The following ZNF680 variants were observed in gnomAD, a reference collection of about 807,000 sequenced individuals.
The protein encoded by ZNF680 is hypothetical protein FLJ90430.
ZNF680 carries 6 observed loss-of-function variants against 12.1 expected under a neutral mutation model. The ratio of observed to expected loss-of-function variants is 0.49; its 90% CI spans 0.27 to 0.98. The LOEUF (loss-of-function observed/expected upper bound fraction) is 0.98. ZNF680 is among the 50% of genes least tolerant of loss of function. The pLI, the probability that ZNF680 is intolerant of heterozygous loss-of-function variation, is 0.12. For synonymous variants in ZNF680, 170 were observed against 199.3 expected, an observed-to-expected ratio of 0.85 and a Z score of 1.24; for missense variants, 561 against 616.3, an observed-to-expected ratio of 0.91 and a Z score of 0.95.
intron 1 of ZNF680, among the ~76,000 whole-genome samples, chr7:64,548,612 C>T (rs1352375130): frequency 6.6e-6 from 1 of 152,158 alleles, no homozygotes; most frequent in East Asian, 1.9e-4. Flanking sequence ...ACCAAGACAT[C>T]TCTTGTATGA....
the ZNF680 span, among the ~76,000 whole-genome samples, chr7:64,511,962 G>T: frequency 6.7e-3 from 1,019 of 152,020 alleles, 9 homozygotes; most frequent in African/African-American, 0.024. Flanking sequence ...GGGAGGCTGA[G>T]GCAGGAGAAT....
At chr7:64,531,514 G>C (rs987278162) in intron 3 of ZNF680, among the ~76,000 whole-genome samples, 3 of 149,014 alleles carry the variant, frequency 2.0e-5, no homozygotes, top group African/African-American at 7.4e-5. Flanking sequence ...GGAGAATGGC[G>C]TGAACTCAGG....
At chr7:64,533,291 T>C (rs1785984801) in intron 3 of ZNF680, among the ~76,000 whole-genome samples, 3 of 152,148 alleles carry the variant, frequency 2.0e-5, no homozygotes. Flanking sequence ...AAAAAACTCC[T>C]AGAACTGATA....
chr7:64,534,534 G>C (rs578106251), intron 3 of ZNF680, among the ~76,000 whole-genome samples: 1 of 152,170 alleles, frequency 6.6e-6, no homozygotes, highest in East Asian at 1.9e-4. Flanking sequence ...CAGATGCGGT[G>C]ATCAGGGAAC....
At chr7:64,518,628 C>T (rs1791402426), downstream of ZNF680, among the ~76,000 whole-genome samples, 1 of 151,758 alleles carries the variant, frequency 6.6e-6, no homozygotes, top group African/African-American at 2.4e-5. Flanking sequence ...CAGCATGGTA[C>T]TGATATAAAA....
At chr7:64,526,380 C>T in intron 3 of ZNF680, 1 of 1,404,204 alleles carries the variant, frequency 7.1e-7, no homozygotes, top group Non-Finnish European at 9.3e-7. Flanking sequence ...TTATGACTAG[C>T]ACAGTTCTAC....
chr7:64,499,229 G>C, the ZNF680 span, among the ~76,000 whole-genome samples: 2 of 151,992 alleles, frequency 1.3e-5, no homozygotes, highest in East Asian at 3.9e-4. Flanking sequence ...TTCAGACAAG[G>C]CTTTCAGTGA....
chr7:64,500,886 G>A, the ZNF680 span: 8 of 570,224 alleles, frequency 1.4e-5, no homozygotes, highest in Non-Finnish European at 2.0e-5. Context: ...GTGTTCACTG[G>A]AAATCTCAAC....
chr7:64,512,457 C>CAAAAAAAA, the ZNF680 span, among the ~76,000 whole-genome samples: 4 of 87,242 alleles, frequency 4.6e-5, no homozygotes, highest in Non-Finnish European at 9.0e-5. Flanking sequence ...CCGTCTCCAG[C>CAAAAAAAA]AAAAAAAAAA....
intron 1 of ZNF680, among the ~76,000 whole-genome samples, chr7:64,556,743 A>T (rs1392894204): frequency 6.6e-6 from 1 of 152,248 alleles, no homozygotes; most frequent in African/African-American, 2.4e-5. Context: ...TGACATAGGA[A>T]CTGGCAAAGA....
the ZNF680 span, among the ~76,000 whole-genome samples, chr7:64,507,111 G>A: frequency 2.1e-4 from 32 of 152,034 alleles, no homozygotes; most frequent in Non-Finnish European, 4.1e-4. Flanking sequence ...ACTATTCAGC[G>A]TCAAGAAAGG....
the ZNF680 span, among the ~76,000 whole-genome samples, chr7:64,503,872 T>G: frequency 6.6e-6 from 1 of 152,174 alleles, no homozygotes; most frequent in South Asian, 2.1e-4. Context: ...AGAATAGCAG[T>G]TTCCTGGCAG....
chr7:64,536,538 T>A (rs909848078), intron 3 of ZNF680, among the ~76,000 whole-genome samples: 1 of 152,200 alleles, frequency 6.6e-6, no homozygotes, highest in Non-Finnish European at 1.5e-5. Flanking sequence ...GATGGCGTCA[T>A]GCCATTCATG....
At position 64,520,306 on chromosome 7, in the gene ZNF680, A is replaced by G. The variant is rs1254647216; in HGVS notation, c.*855T>C. The stretch of plus-strand genomic sequence containing the variant: ...TGAGAGTTGAATTTCATCATTATTT[A>G]CTTTTCAAATAAGCCATAATTTTTT... On this transcript the variant is annotated 3_prime_UTR_variant, in exon 4 of 4. Coordinates refer to ENST00000309683, the MANE Select transcript of ZNF680 (RefSeq NM_178558.5). 1 of 151,846 alleles carries G rather than the reference A, an allele frequency of 6.6e-6. No homozygotes were observed. The highest frequency in any genetic ancestry group is 1.5e-5 in the Non-Finnish European group (1 of 67,722). The allele number at this position is 151,846 out of a possible 1,614,324, so 9.4% of individuals were successfully genotyped here.
chr7:64,555,716 A>G (rs1408232516), intron 1 of ZNF680, among the ~76,000 whole-genome samples: 3 of 108,512 alleles, frequency 2.8e-5, no homozygotes, highest in Non-Finnish European at 5.4e-5. Flanking sequence ...TCCAGGAATT[A>G]AACCTTTGTA....
intron 1 of ZNF680, chr7:64,552,183 A>G (rs1787115777): frequency 6.6e-6 from 1 of 152,258 alleles, no homozygotes; most frequent in African/African-American, 2.4e-5. Flanking sequence ...CCTCCAGAGT[A>G]GATGGAATTA....
intron 1 of ZNF680, among the ~76,000 whole-genome samples, chr7:64,553,738 G>C (rs997165313): frequency 1.3e-5 from 2 of 150,264 alleles, no homozygotes; most frequent in Admixed American, 1.3e-4. Context: ...GGCGCGCGCC[G>C]CCACGCCAGA....
chr7:64,501,523 AG>A, the ZNF680 span: 1 of 776,538 alleles, frequency 1.3e-6, no homozygotes. Context: ...AAGTGAGAAG[AG>A]GAACAGAGCA....
At position 64,521,237 on chromosome 7, in the gene ZNF680, G is replaced by T; in HGVS notation, c.1517C>A (p.Thr506Asn). The change falls in exon 4 of 4, where the codon ACT becomes AAT. Residue 506 changes from threonine (T) to asparagine (N), a missense_variant. Thr to Asn is a moderately conservative substitution (Grantham distance 65). Coordinates refer to ENST00000309683, the MANE Select transcript of ZNF680 (RefSeq NM_178558.5). ...GKAFNRSSHL[T>N]RHKKIHTGEK... ...ACCAGTATGAATTTTCTTATGTCTA[G>T]TAAGGTGTGAGGACCGGTTAAAAGC... 6.2e-7 allele frequency: 1 copy of T among 1,613,556 alleles called. No individual in the cohort carries two copies. The highest frequency in any genetic ancestry group is 8.5e-7 in the Non-Finnish European group (1 of 1,179,606).
Sources: gnomAD v4.1 joint callset for allele counts (sites outside exome capture counted in the v4.1 genomes callset) on GRCh38, gnomAD v4.1.1 for gene constraint, MANE v1.5 for transcripts, NCBI Gene and HGNC (gene_info 2026-07-23, HGNC 2026-07-21) for gene names.